URB1: variants seen among roughly 807,000 people sequenced by gnomAD.
URB1 encodes nucleolar pre-ribosomal-associated protein 1.
In URB1, 197 loss-of-function variants were observed where a neutral mutation model predicts 242.3. The ratio of observed to expected loss-of-function variants is 0.81; its 90% CI spans 0.72 to 0.91. The LOEUF (loss-of-function observed/expected upper bound fraction) is 0.91, where lower values mean the gene tolerates loss of function less well. Among genes scored for constraint, URB1 ranks in the 40% least tolerant of loss-of-function variants. The pLI is 0.00. For synonymous variants in URB1, 1,153 were observed against 1,201.8 expected (o/e 0.96, Z 0.84); for missense variants, 2,721 against 2,860.5 (o/e 0.95, Z 1.11).
Position 32,349,319 on chromosome 21 carries a change from C to T in URB1, c.2997G>A (p.Glu999=), listed in dbSNP as rs1222042001. The stretch of plus-strand genomic sequence containing the variant: ...GTGGCGGTACCTGATCATTGGCCAA[C>T]TCCAGCGAGGCCACGGACTCCATGT... ...FLDMESVASL[E]LANDQTLEEV... Residue 999 remains glutamate (E), a synonymous_variant, in exon 21 of 39, where the codon GAG becomes GAA. Coordinates refer to ENST00000382751, the MANE Select transcript of URB1 (RefSeq NM_014825.3). 1.6e-5 allele frequency: 25 copies of T among 1,545,178 alleles called. No individual in the cohort carries two copies. Among genetic ancestry groups the T allele is most frequent in the African/African-American group, 2.7e-5 (2 of 72,852 alleles).
intron 1 of URB1, among the ~76,000 whole-genome samples, chr21:32,390,004 C>A (rs969572486): frequency 1.3e-5 from 2 of 152,188 alleles, no homozygotes; most frequent in Non-Finnish European, 2.9e-5. Context: ...CCCTGATCTT[C>A]CAGCAATCCT....
Position 32,333,392 on chromosome 21 carries a change from T to C in URB1, c.4885A>G (p.Lys1629Glu), listed in dbSNP as rs1160534042. Reference sequence around the variant, plus strand: ...AGGCCATCAAGATCCACCCTGCTTTTGTCTTTGAATATCAGCTCCTGTGTG... The same window carrying C: ...AGGCCATCAAGATCCACCCTGCTTTCGTCTTTGAATATCAGCTCCTGTGTG... ...EDTQELIFKD[K>E]SRVDLDGLYD... The change falls in exon 30 of 39, where the codon AAA becomes GAA. Residue 1629 changes from lysine to glutamate, a missense_variant. Coordinates refer to ENST00000382751, the MANE Select transcript of URB1 (RefSeq NM_014825.3). 5 of 1,551,570 alleles carry C rather than the reference T, an allele frequency of 3.2e-6. No homozygotes were observed. The highest frequency in any genetic ancestry group is 3.5e-6 in the Non-Finnish European group (4 of 1,146,984).
chr21:32,361,332 T>C (rs923107039), intron 12 of URB1, among the ~76,000 whole-genome samples: 1 of 133,680 alleles, frequency 7.5e-6, no homozygotes, highest in Non-Finnish European at 1.7e-5. Context: ...TACCTAGATC[T>C]AATGAGTCAA....
intron 37 of URB1, among the ~76,000 whole-genome samples, chr21:32,317,340 G>A (rs2032704058): frequency 6.6e-6 from 1 of 152,214 alleles, no homozygotes; most frequent in Non-Finnish European, 1.5e-5. Flanking sequence ...CAGAGCTTCA[G>A]TCCAGGAGGC....
At chr21:32,335,154 T>TGTG (rs2032943616) in intron 28 of URB1, 1 of 152,708 alleles carries the variant, frequency 6.5e-6, no homozygotes, top group Non-Finnish European at 1.5e-5. Context: ...GGCCTTCCCA[T>TGTG]TGCCTGTTTC....
At chr21:32,320,800 G>C (rs115567881) in intron 34 of URB1, among the ~76,000 whole-genome samples, 160 bp from the exon 35 acceptor site, 1 of 152,178 alleles carries the variant, frequency 6.6e-6, no homozygotes, top group Non-Finnish European at 1.5e-5. Flanking sequence ...ATGTACGAAC[G>C]TGCCCTTCCC....
intron 14 of URB1, 104 bp from the exon 15 acceptor site, chr21:32,357,760 G>T: frequency 1.1e-6 from 1 of 925,932 alleles, no homozygotes; most frequent in Non-Finnish European, 1.4e-6. Context: ...AGGCGTGGTG[G>T]CTTACACCTG....
chr21:32,337,009 G>A, intron 28 of URB1, 85 bp downstream of exon 28: 13 of 1,341,966 alleles, frequency 9.7e-6, no homozygotes, highest in Non-Finnish European at 1.4e-5. Context: ...AAAATGGAAT[G>A]AGAGAAAATC....
chr21:32,368,458 G>GA lies in URB1; in HGVS notation c.1141dup (p.Ser381PhefsTer13). ...AGTAGACTTCGCTCGTGGGATAAAG[G>GA]AAAACGTTACTTCCTTGAAGTATTT... is the stretch of plus-strand genomic sequence containing the variant. On this transcript the variant is annotated frameshift_variant, in exon 9 of 39. Transcript: ENST00000382751. LOFTEE classifies it high-confidence loss of function. The GA allele has an allele frequency of 6.4e-7, 1 of 1,551,450 alleles. No homozygotes were observed. Among genetic ancestry groups the GA allele is most frequent in the Non-Finnish European group, 8.7e-7 (1 of 1,146,892 alleles).
At chr21:32,335,372 G>GT (rs1016838967) in intron 28 of URB1, 1 of 152,278 alleles carries the variant, frequency 6.6e-6, no homozygotes, top group Non-Finnish European at 1.5e-5. Context: ...TGGTGCTCCT[G>GT]TAAGAGCTGG....
chr21:32,334,438 C>T (rs1335139323), intron 28 of URB1, 104 bp from the exon 29 acceptor site: 31 of 1,327,752 alleles, frequency 2.3e-5, no homozygotes, highest in Non-Finnish European at 3.2e-5. Flanking sequence ...CCAGTTCACA[C>T]CAGGTGCTGT....
intron 25 of URB1, among the ~76,000 whole-genome samples, chr21:32,340,334 G>A (rs984524843): frequency 3.9e-5 from 6 of 152,206 alleles, no homozygotes; most frequent in African/African-American, 9.7e-5. Flanking sequence ...TTCGCTGGCC[G>A]GGCACAGTGG....
In URB1 at chr21:32,341,475, T is replaced by C; in HGVS notation, c.4307A>G (p.Lys1436Arg). 1 of 1,551,640 alleles carries C rather than the reference T, an allele frequency of 6.4e-7. No individual in the cohort carries two copies. Among genetic ancestry groups the C allele is most frequent in the South Asian group, 1.2e-5 (1 of 84,060 alleles). The change falls in exon 25 of 39, where the codon AAG (lysine) becomes AGG (arginine). Residue 1436 changes from lysine (K) to arginine (R), a missense_variant. Physicochemically the swap from Lys to Arg is conservative, Grantham distance 26 (BLOSUM62 2). Transcript: ENST00000382751. ...AATAAAATCAACTTACTTGAGTCCC[T>C]TCTTCACGAATTTCTGCCAGTCACC... Reference protein sequence around the residue: ...DPGDWQKFVKKGLKFRYQDHT... With the variant: ...DPGDWQKFVKRGLKFRYQDHT...
intron 2 of URB1, among the ~76,000 whole-genome samples, chr21:32,384,807 C>A (rs996300765): frequency 2.0e-5 from 3 of 152,102 alleles, no homozygotes; most frequent in African/African-American, 7.2e-5. Flanking sequence ...CGGTGAAACC[C>A]CGTCTCTACT....
intron 19 of URB1, among the ~76,000 whole-genome samples, chr21:32,351,367 A>G (rs140837396): frequency 0.012 from 1,757 of 152,356 alleles, 30 homozygotes; most frequent in African/African-American, 0.04. Context: ...GAAGATGGGC[A>G]GAACACAGAG....
chr21:32,378,503 A>AG lies in URB1; in HGVS notation c.605dup (p.Leu203SerfsTer8), dbSNP rs2033485105. On this transcript the variant is annotated frameshift_variant, in exon 5 of 39. Transcript: ENST00000382751. LOFTEE classifies it high-confidence loss of function. The stretch of plus-strand genomic sequence containing the variant: ...CATCACCCGCAATTAAAAAGGAGAG[A>AG]GCAAACTGAACGTAGGCCTGCCGAA... The AG allele has an allele frequency of 6.4e-7, 1 of 1,551,584 alleles. No individual in the cohort carries two copies. Among genetic ancestry groups the AG allele is most frequent in the African/African-American group, 1.4e-5 (1 of 73,038 alleles).
At chr21:32,390,343 T>C (rs1036667729) in intron 1 of URB1, among the ~76,000 whole-genome samples, 2 of 152,206 alleles carry the variant, frequency 1.3e-5, no homozygotes, top group African/African-American at 4.8e-5. Context: ...CATCCTACAA[T>C]CCTTTTGAAA....
At position 32,345,469 on chromosome 21, in the gene URB1, G is replaced by C; in HGVS notation, c.3975C>G (p.Ile1325Met). The change falls in exon 23 of 39, where the codon ATC becomes ATG. Residue 1325 changes from isoleucine to methionine, a missense_variant. Transcript: ENST00000382751. ...GTGCAAACGGGACCAGCTGTGCCAG[G>C]ATCTCCTGGTACAGCCCAGATGCTG... is the stretch of plus-strand genomic sequence containing the variant. ...SPPASGLYQE[I>M]LAQLVPFARA... is the part of the protein sequence containing the mutation. The C allele has an allele frequency of 6.4e-7, 1 of 1,551,618 alleles. No individual in the cohort carries two copies. Among genetic ancestry groups the C allele is most frequent in the Non-Finnish European group, 8.7e-7 (1 of 1,146,972 alleles).
chr21:32,344,961 A>C (rs930959426), intron 23 of URB1, among the ~76,000 whole-genome samples: 1 of 152,210 alleles, frequency 6.6e-6, no homozygotes, highest in South Asian at 2.1e-4. Context: ...GGGAAATACT[A>C]TTAGTACACC....
Sources: allele counts gnomAD v4.1 joint callset (sites outside exome capture counted in the v4.1 genomes callset), GRCh38; gene constraint gnomAD v4.1.1; transcripts MANE v1.5; gene names NCBI Gene and HGNC (gene_info 2026-07-23, HGNC 2026-07-21).